ZNF728: variants seen among roughly 807,000 people sequenced by gnomAD.
ZNF728 encodes zinc finger protein 728.
In ZNF728, 12 loss-of-function variants were observed where a neutral mutation model predicts 12.5. That is an observed-to-expected ratio of 0.96 (90% CI 0.61 to 1.55). The LOEUF (loss-of-function observed/expected upper bound fraction) is 1.55. Ranked by LOEUF, ZNF728 falls within the 40% of genes most tolerant of loss-of-function variation. The pLI is 0.00. For synonymous variants in ZNF728, 205 were observed against 240.7 expected (o/e 0.85, Z 1.37); for missense variants, 692 against 719.2 (o/e 0.96, Z 0.43).
intron 3 of ZNF728, among the ~76,000 whole-genome samples, chr19:22,977,369 T>C (rs1411316961): frequency 6.6e-6 from 1 of 152,224 alleles, no homozygotes; most frequent in Admixed American, 6.5e-5. Context: ...AAGAAAAGTT[T>C]GTTAAATTTA....
Position 22,976,347 on chromosome 19 carries a change from A to AT in ZNF728, c.989dup (p.His330GlnfsTer2). On this transcript the variant is annotated frameshift_variant, in exon 4 of 4. Transcript: ENST00000594710. LOFTEE classifies it low-confidence loss of function (END_TRUNC). ...GCTTCTCTCCAGTATGAATTCTCTT[A>AT]TGTTCCATAAGGTTTGAGGACCGGT... The AT allele has an allele frequency of 6.2e-7, 1 of 1,612,862 alleles. No homozygotes were observed. Among genetic ancestry groups the AT allele is most frequent in the Non-Finnish European group, 8.5e-7 (1 of 1,179,856 alleles).
chr19:23,003,125 A>G lies in ZNF728; in HGVS notation c.-95T>C. 1 of 1,434,944 alleles carries G rather than the reference A, an allele frequency of 7.0e-7. No homozygotes were observed. Among genetic ancestry groups the G allele is most frequent in the South Asian group, 1.4e-5 (1 of 72,492 alleles). 88.9% of individuals were successfully genotyped at this position (1,434,944 alleles called of 1,614,324 possible). A position where few individuals can be genotyped will look rare whatever the true frequency, so the allele number is the denominator to read the frequency against. On this transcript the variant is annotated 5_prime_UTR_variant, in exon 1 of 4. Transcript: ENST00000594710. ...GAAGCTGGGCCTTTAGGAGCGGACG[A>G]CACACAGCAGTAAGGACGACACCTT...
At chr19:22,983,853 C>T (rs547356854) in intron 3 of ZNF728, among the ~76,000 whole-genome samples, 1 of 151,994 alleles carries the variant, frequency 6.6e-6, no homozygotes, top group East Asian at 1.9e-4. Flanking sequence ...CAGGGCCTGT[C>T]GGGGAGTGGG....
chr19:22,998,046 T>A (rs1969067479), intron 1 of ZNF728, among the ~76,000 whole-genome samples: 1 of 152,168 alleles, frequency 6.6e-6, no homozygotes, highest in Non-Finnish European at 1.5e-5. Flanking sequence ...TGTTGATTCC[T>A]CACTAAACTA....
At chr19:22,998,552 T>C (rs2145354970) in intron 1 of ZNF728, among the ~76,000 whole-genome samples, 1 of 152,288 alleles carries the variant, frequency 6.6e-6, no homozygotes, top group Admixed American at 6.5e-5. Flanking sequence ...TGGGCTCATC[T>C]ATGCTTCTGA....
intron 1 of ZNF728, among the ~76,000 whole-genome samples, chr19:22,994,077 G>A (rs1969022708): frequency 6.6e-6 from 1 of 152,108 alleles, no homozygotes. Context: ...ATTTTACTCT[G>A]ATTGGGCCCC....
chr19:23,001,526 GC>G (rs1969113871), intron 1 of ZNF728, among the ~76,000 whole-genome samples: 2 of 152,194 alleles, frequency 1.3e-5, no homozygotes, highest in Non-Finnish European at 2.9e-5. Flanking sequence ...CATAGCCATG[GC>G]GGGTATCTTG....
chr19:22,999,026 T>A (rs1244078952), intron 1 of ZNF728, among the ~76,000 whole-genome samples: 4 of 152,214 alleles, frequency 2.6e-5, no homozygotes, highest in Non-Finnish European at 5.9e-5. Context: ...ATGCTCAGTC[T>A]GAGCCACCAT....
intron 1 of ZNF728, among the ~76,000 whole-genome samples, chr19:22,993,980 A>T (rs1245303635): frequency 1.3e-5 from 2 of 152,184 alleles, no homozygotes; most frequent in Non-Finnish European, 2.9e-5. Context: ...AATAGCAGCA[A>T]GTGTTACCTG....
At chr19:22,978,223 T>C (rs926882421) in intron 3 of ZNF728, among the ~76,000 whole-genome samples, 7 of 150,680 alleles carry the variant, frequency 4.6e-5, no homozygotes, top group Non-Finnish European at 1.0e-4. Flanking sequence ...TTTGCAAACA[T>C]AGTCTTATGA....
At chr19:22,992,329 G>A (rs993331499) in intron 1 of ZNF728, among the ~76,000 whole-genome samples, 3 of 149,620 alleles carry the variant, frequency 2.0e-5, no homozygotes, top group Admixed American at 6.7e-5. Context: ...TGCAGCCTCC[G>A]CTTCCCAGGT....
intron 3 of ZNF728, among the ~76,000 whole-genome samples, chr19:22,978,000 A>C (rs1968824182): frequency 6.6e-6 from 1 of 152,122 alleles, no homozygotes; most frequent in Non-Finnish European, 1.5e-5. Flanking sequence ...AAAAATGAGG[A>C]TAAGAACAAA....
chr19:22,986,902 A>G (rs1189057011), intron 3 of ZNF728, among the ~76,000 whole-genome samples: 1 of 152,156 alleles, frequency 6.6e-6, no homozygotes, highest in Non-Finnish European at 1.5e-5. Flanking sequence ...AAAACACCCA[A>G]TGATACAGAA....
intron 1 of ZNF728, among the ~76,000 whole-genome samples, chr19:22,999,261 C>T (rs916698200): frequency 6.7e-6 from 1 of 148,964 alleles, no homozygotes; most frequent in African/African-American, 2.5e-5. Context: ...CTTTGGAATT[C>T]TTTTTTTTTT....
intron 3 of ZNF728, among the ~76,000 whole-genome samples, chr19:22,979,180 G>C (rs1968836519): frequency 6.6e-6 from 1 of 152,140 alleles, no homozygotes; most frequent in African/African-American, 2.4e-5. Context: ...TCACCTGATG[G>C]AGATGAAAAA....
chr19:22,978,404 T>C (rs2145333307), intron 3 of ZNF728, among the ~76,000 whole-genome samples: 1 of 152,130 alleles, frequency 6.6e-6, no homozygotes, highest in African/African-American at 2.4e-5. Flanking sequence ...TCACAAAAAG[T>C]ATATCGGCAC....
intron 1 of ZNF728, 81 bp downstream of exon 1, chr19:23,002,947 C>A: frequency 6.4e-7 from 1 of 1,563,562 alleles, no homozygotes; most frequent in Non-Finnish European, 8.7e-7. Flanking sequence ...GAGAGGAGGC[C>A]TGAGTCCCGC....
intron 1 of ZNF728, chr19:22,995,604 AT>A (rs1021919142): frequency 2.0e-5 from 3 of 152,086 alleles, no homozygotes; most frequent in Non-Finnish European, 2.9e-5. Flanking sequence ...CACCCAGCTA[AT>A]TTTGTATTTT....
chr19:22,992,252 CTT>C (rs369837179), intron 1 of ZNF728, among the ~76,000 whole-genome samples: 2 of 151,434 alleles, frequency 1.3e-5, no homozygotes, highest in African/African-American at 4.8e-5. Context: ...TTTCTTTTTC[CTT>C]TTTTTTGAGA....
Sources: gnomAD v4.1 joint callset for allele counts (sites outside exome capture counted in the v4.1 genomes callset) on GRCh38, gnomAD v4.1.1 for gene constraint, MANE v1.5 for transcripts, NCBI Gene and HGNC (gene_info 2026-07-23, HGNC 2026-07-21) for gene names.